Variants in TEAD1 observed in about 807,000 individuals in gnomAD.
TEAD1 encodes the protein TEA domain transcription factor 1, also known as transcriptional enhancer factor TEF-1.
Under a neutral mutation model 54.9 loss-of-function variants are expected in TEAD1, and 9 were observed. The ratio of observed to expected loss-of-function variants is 0.16; its 90% CI spans 0.10 to 0.29. The LOEUF is 0.29. Ranked by LOEUF, TEAD1 falls within the 10% of genes least tolerant of loss-of-function variation. The pLI is 1.00. For synonymous variants in TEAD1, 200 were observed against 187.8 expected, an observed-to-expected ratio of 1.07 and a Z score of -0.53; for missense variants, 387 against 535.9, an observed-to-expected ratio of 0.72 and a Z score of 2.74.
chr11:12,855,809 TGTG>T (rs1947364563), intron 3 of TEAD1, among the ~76,000 whole-genome samples: 2 of 151,312 alleles, frequency 1.3e-5, no homozygotes, highest in South Asian at 4.2e-4. Context: ...ATTAGCCAGG[TGTG>T]GTGTACCTGC....
intron 10 of TEAD1, among the ~76,000 whole-genome samples, chr11:12,904,288 A>G (rs995375705): frequency 1.3e-5 from 2 of 152,236 alleles, no homozygotes; most frequent in African/African-American, 2.4e-5. Flanking sequence ...CAAGGAAAAC[A>G]AATGACATTA....
chr11:12,736,735 G>C (rs536336876), intron 2 of TEAD1, among the ~76,000 whole-genome samples: 1 of 152,222 alleles, frequency 6.6e-6, no homozygotes, highest in Non-Finnish European at 1.5e-5. Context: ...AGAAATACAG[G>C]TAAAGCAGAA....
At chr11:12,901,054 G>A (rs1948418346) in intron 9 of TEAD1, among the ~76,000 whole-genome samples, 2 of 152,170 alleles carry the variant, frequency 1.3e-5, no homozygotes, top group Admixed American at 1.3e-4. Flanking sequence ...AAATTATGAT[G>A]TTTGGCCTCT....
intron 3 of TEAD1, among the ~76,000 whole-genome samples, chr11:12,829,796 C>G (rs1242584656): frequency 1.3e-5 from 2 of 152,148 alleles, no homozygotes; most frequent in Non-Finnish European, 2.9e-5. Flanking sequence ...GTATCTGGTG[C>G]TTTACTCTTG....
chr11:12,685,490 G>T (rs1048600428), intron 2 of TEAD1, among the ~76,000 whole-genome samples: 2 of 152,066 alleles, frequency 1.3e-5, no homozygotes, highest in Non-Finnish European at 2.9e-5. Context: ...TGCTCACCAT[G>T]GTATCCCCAG....
intron 9 of TEAD1, among the ~76,000 whole-genome samples, chr11:12,898,419 G>T (rs1266776845): frequency 6.6e-6 from 1 of 150,626 alleles, no homozygotes; most frequent in African/African-American, 2.5e-5. Flanking sequence ...TTTTGAGACG[G>T]AGTATCTCTC....
chr11:12,707,375 C>T (rs985058681), intron 2 of TEAD1, among the ~76,000 whole-genome samples: 1 of 152,144 alleles, frequency 6.6e-6, no homozygotes, highest in Admixed American at 6.5e-5. Context: ...ATAGAGCTAT[C>T]TGCAAGCCAT....
At position 12,802,320 on chromosome 11, in the gene TEAD1, C is replaced by T. The variant is rs1288015348; in HGVS notation, c.202+37886C>T. ...AGTGACCACAATGTGTGTGGGACTT[C>T]GAAATATGGAATAATGATGGGTTTT... On this transcript the variant is annotated intron_variant, in intron 3 of 12. Transcript: ENST00000527636. 2.0e-5 allele frequency among the ~76,000 whole-genome samples: 3 copies of T among 151,722 alleles called. No homozygotes were observed. In the East Asian group the frequency reaches 5.8e-4, roughly 29 times the overall value.
chr11:12,734,333 CTAAG>C (rs1329501300), intron 2 of TEAD1, among the ~76,000 whole-genome samples: 1 of 151,664 alleles, frequency 6.6e-6, no homozygotes, highest in Non-Finnish European at 1.5e-5. Context: ...TGTTTTTAAG[CTAAG>C]TGTTATTACA....
chr11:12,740,044 C>T (rs529066269), intron 2 of TEAD1, among the ~76,000 whole-genome samples: 1 of 152,316 alleles, frequency 6.6e-6, no homozygotes, highest in East Asian at 1.9e-4. Context: ...CGAGGAAAGG[C>T]ATTTCAGATA....
At chr11:12,838,213 C>T (rs544011357) in intron 3 of TEAD1, among the ~76,000 whole-genome samples, 26 of 152,168 alleles carry the variant, frequency 1.7e-4, no homozygotes, top group Non-Finnish European at 2.9e-4. Context: ...TTTTGTGAAA[C>T]TTGTAATACA....
chr11:12,728,545 G>A (rs1275082223), intron 2 of TEAD1, among the ~76,000 whole-genome samples: 4 of 152,172 alleles, frequency 2.6e-5, no homozygotes, highest in African/African-American at 9.7e-5. Context: ...CTGGCATAGA[G>A]TTGGCAGGCA....
At chr11:12,917,028 C>T (rs1406229302) in intron 10 of TEAD1, among the ~76,000 whole-genome samples, 1 of 152,212 alleles carries the variant, frequency 6.6e-6, no homozygotes, top group Admixed American at 6.5e-5. Context: ...CCCAGACATG[C>T]CTCCTCTGTA....
At chr11:12,849,345 C>CA (rs1489517190) in intron 3 of TEAD1, 1 of 152,234 alleles carries the variant, frequency 6.6e-6, no homozygotes, top group African/African-American at 2.4e-5. Context: ...CCGTTCCCTG[C>CA]AAAAGCCCAA....
intron 3 of TEAD1, among the ~76,000 whole-genome samples, chr11:12,812,379 AGGTGATGGTT>A (rs1312338339): frequency 1.3e-5 from 2 of 152,132 alleles, no homozygotes; most frequent in Non-Finnish European, 2.9e-5. Context: ...AATCCCAAAA[AGGTGATGGTT>A]AAAAGAGTAC....
intron 2 of TEAD1, among the ~76,000 whole-genome samples, chr11:12,692,307 C>CGT (rs1276023594): frequency 6.6e-6 from 1 of 152,194 alleles, no homozygotes; most frequent in Non-Finnish European, 1.5e-5. Flanking sequence ...TTCAGACCTA[C>CGT]AGTTTTAGCT....
intron 2 of TEAD1, among the ~76,000 whole-genome samples, chr11:12,728,075 T>C (rs1268045973): frequency 6.6e-6 from 1 of 152,024 alleles, no homozygotes; most frequent in Non-Finnish European, 1.5e-5. Context: ...GTGCTCTCAG[T>C]TGGGAATGAG....
At chr11:12,856,264 A>C (rs1435039310) in intron 3 of TEAD1, among the ~76,000 whole-genome samples, 2 of 152,104 alleles carry the variant, frequency 1.3e-5, no homozygotes, top group African/African-American at 4.8e-5. Flanking sequence ...GGAGGCGGAG[A>C]AGAGATCCAT....
chr11:12,857,115 C>T (rs775056753), intron 3 of TEAD1, among the ~76,000 whole-genome samples: 33 of 152,152 alleles, frequency 2.2e-4, no homozygotes, highest in Admixed American at 1.4e-3. Flanking sequence ...CTGTATTGCC[C>T]CTTTAGCAGG....
Sources: allele counts gnomAD v4.1 joint callset (sites outside exome capture counted in the v4.1 genomes callset), GRCh38; gene constraint gnomAD v4.1.1; transcripts MANE v1.5; gene names NCBI Gene and HGNC (gene_info 2026-07-23, HGNC 2026-07-21).